The following CADPS variants were observed in gnomAD, a reference collection of about 807,000 sequenced individuals.
CADPS encodes the protein calcium dependent secretion activator, also known as calcium-dependent secretion activator 1.
In CADPS, 57 loss-of-function variants were observed where a neutral mutation model predicts 167.3. The ratio of observed to expected loss-of-function variants is 0.34; its 90% confidence interval spans 0.28 to 0.42. CADPS has a LOEUF of 0.42. CADPS is among the 20% of genes least tolerant of loss of function. The pLI is 1.00. For synonymous variants in CADPS, 676 were observed against 635.3 expected (o/e 1.06, Z -0.96); for missense variants, 1,414 against 1,738.1 (o/e 0.81, Z 3.32).
chr3:62,706,303 A>G (rs1195134097), intron 3 of CADPS, among the ~76,000 whole-genome samples: 1 of 152,110 alleles, frequency 6.6e-6, no homozygotes, highest in Non-Finnish European at 1.5e-5. Flanking sequence ...TTGTGATTGT[A>G]TATTTCTTTC....
chr3:62,402,116 T>C (rs1706473008), intron 29 of CADPS, among the ~76,000 whole-genome samples: 1 of 151,130 alleles, frequency 6.6e-6, no homozygotes, highest in South Asian at 2.1e-4. Context: ...CTTTGTGAGA[T>C]CAAATGCAGA....
intron 3 of CADPS, among the ~76,000 whole-genome samples, chr3:62,668,592 C>G (rs1269262435): frequency 6.6e-6 from 1 of 152,160 alleles, no homozygotes; most frequent in African/African-American, 2.4e-5. Flanking sequence ...TCTCCTGTCT[C>G]TCCTTATAAT....
At chr3:62,665,231 T>G (rs920312386) in intron 3 of CADPS, among the ~76,000 whole-genome samples, 1 of 152,162 alleles carries the variant, frequency 6.6e-6, no homozygotes, top group African/African-American at 2.4e-5. Context: ...TTGTAATATG[T>G]CAACATAATC....
At chr3:62,872,125 T>TATGA (rs1560032179) in intron 1 of CADPS, among the ~76,000 whole-genome samples, 1 of 151,376 alleles carries the variant, frequency 6.6e-6, no homozygotes, top group Non-Finnish European at 1.5e-5. Flanking sequence ...ACATTTTTCC[T>TATGA]CTTTTTCTAG....
chr3:62,625,658 G>A (rs926071830), intron 6 of CADPS: 4 of 150,182 alleles, frequency 2.7e-5, no homozygotes, highest in Admixed American at 6.6e-5. Flanking sequence ...TAGAACCTAC[G>A]TTCCCTACAC....
intron 1 of CADPS, among the ~76,000 whole-genome samples, chr3:62,769,226 CT>C (rs34651999): frequency 1.4e-3 from 199 of 146,434 alleles, no homozygotes; most frequent in East Asian, 4.8e-3. Flanking sequence ...TAATTCTCAT[CT>C]TTTTTTTTTT....
In CADPS at chr3:62,465,364, T is replaced by C. The variant is rs757466325; in HGVS notation, c.3636+3A>G. On this transcript the variant is annotated splice_donor_region_variant and intron_variant, in intron 26 of 29. Coordinates refer to ENST00000383710, the MANE Select transcript of CADPS (RefSeq NM_003716.4). This position sits in a 1 kb window ranked among gnomAD's most constrained non-coding sequence, Gnocchi z 4.1. The stretch of plus-strand genomic sequence containing the variant: ...CCAGGAAATAAAGAAGCTCTTTACT[T>C]ACGGTAAATGACAGAAAAGAAGAAA... 1.9e-6 allele frequency: 3 copies of C among 1,595,546 alleles called. No homozygotes were observed. Among genetic ancestry groups the C allele is most frequent in the African/African-American group, 2.7e-5 (2 of 73,788 alleles).
At chr3:62,490,072 G>A (rs1197326914) in intron 21 of CADPS, among the ~76,000 whole-genome samples, 1 of 152,136 alleles carries the variant, frequency 6.6e-6, no homozygotes, top group Non-Finnish European at 1.5e-5. Context: ...AGCCTATTTT[G>A]CATTAATTTA....
chr3:62,865,595 A>G (rs2081542220), intron 1 of CADPS, among the ~76,000 whole-genome samples: 1 of 152,082 alleles, frequency 6.6e-6, no homozygotes, highest in South Asian at 2.1e-4. Flanking sequence ...TGATAATTCA[A>G]TTTATTTTCA....
intron 9 of CADPS, among the ~76,000 whole-genome samples, chr3:62,558,300 C>T (rs1028111574): frequency 2.2e-4 from 34 of 152,216 alleles, no homozygotes; most frequent in Admixed American, 2.2e-3. Flanking sequence ...CAGTGCAGGG[C>T]GGGTGCTCAC....
chr3:62,682,311 G>A (rs2077271606), intron 3 of CADPS, among the ~76,000 whole-genome samples: 2 of 152,132 alleles, frequency 1.3e-5, no homozygotes, highest in South Asian at 2.1e-4. Context: ...ACACCCCTAG[G>A]AAGCAGTGAA....
chr3:62,405,408 A>T (rs1708074684), intron 28 of CADPS, among the ~76,000 whole-genome samples: 1 of 150,872 alleles, frequency 6.6e-6, no homozygotes, highest in Non-Finnish European at 1.5e-5. Context: ...CTTGTGCAAC[A>T]TGCCTTTTTC....
intron 9 of CADPS, among the ~76,000 whole-genome samples, chr3:62,568,127 G>C (rs1419972866): frequency 6.6e-6 from 1 of 152,168 alleles, no homozygotes; most frequent in Non-Finnish European, 1.5e-5. Flanking sequence ...GAGATGCAAG[G>C]ATGGAAAGTG....
intron 1 of CADPS, among the ~76,000 whole-genome samples, chr3:62,856,972 G>A (rs1298653705): frequency 6.6e-6 from 1 of 151,140 alleles, no homozygotes; most frequent in Non-Finnish European, 1.5e-5. Flanking sequence ...TTATAAAGAG[G>A]AAAAGTAGAT....
chr3:62,582,558 T>A (rs1377167478), intron 8 of CADPS, among the ~76,000 whole-genome samples: 2 of 152,170 alleles, frequency 1.3e-5, no homozygotes, highest in Non-Finnish European at 2.9e-5. Flanking sequence ...TAAGTTTAAA[T>A]GGAAAAAAAA....
At position 62,516,256 on chromosome 3, in the gene CADPS, G is replaced by A. The variant is rs13083438; in HGVS notation, c.2458-74C>T. ...TCACTCATCCATACTTCTTAGAAGC[G>A]TGAAAGTTTAAAATCAGTTCTTTGT... On this transcript the variant is annotated intron_variant, in intron 15 of 29. Transcript: ENST00000383710. 571 of 1,552,652 alleles carry A rather than the reference G, an allele frequency of 3.7e-4. 1 individual carries two copies. The highest frequency in any genetic ancestry group is 1.0e-3 in the Middle Eastern group (6 of 5,832).
chr3:62,465,460 C>G lies in CADPS; in HGVS notation c.3553-10G>C. On this transcript the variant is annotated splice_polypyrimidine_tract_variant and intron_variant, in intron 25 of 29. Coordinates refer to ENST00000383710, the MANE Select transcript of CADPS (RefSeq NM_003716.4). The surrounding 1 kb of genome is among the most constrained non-coding windows in gnomAD (Gnocchi z 4.1). ...CCAAGATAGTAACGAACTAGAAAAA[C>G]AGCAAAAAAGAAAAAAATGTTATTT... 1 of 1,585,240 alleles carries G rather than the reference C, an allele frequency of 6.3e-7. No individual in the cohort carries two copies. The highest frequency in any genetic ancestry group is 8.6e-7 in the Non-Finnish European group (1 of 1,163,372).
intron 3 of CADPS, among the ~76,000 whole-genome samples, chr3:62,663,611 C>CAAAAAAA (rs34328613): frequency 8.3e-6 from 1 of 120,224 alleles, no homozygotes; most frequent in African/African-American, 3.3e-5. Context: ...TCCCTGCCTC[C>CAAAAAAA]AAAAAAAAAA....
intron 1 of CADPS, among the ~76,000 whole-genome samples, chr3:62,860,005 A>G (rs960076109): frequency 1.3e-5 from 2 of 152,136 alleles, no homozygotes; most frequent in Admixed American, 6.5e-5. Flanking sequence ...AAGGCTCCCC[A>G]CTGCCTACCA....
Sources: gnomAD v4.1 joint callset for allele counts (sites outside exome capture counted in the v4.1 genomes callset) on GRCh38, gnomAD v4.1.1 for gene constraint, Gnocchi (gnomAD v3.1) non-coding constraint, MANE v1.5 for transcripts, NCBI Gene and HGNC (gene_info 2026-07-23, HGNC 2026-07-21) for gene names.